PTPRS: variants seen among roughly 807,000 people sequenced by gnomAD.
PTPRS encodes the protein receptor-type tyrosine-protein phosphatase S.
In PTPRS, 63 loss-of-function variants were observed where a neutral mutation model predicts 215.3. The observed-to-expected ratio is 0.29, with a 90% confidence interval of 0.24 to 0.36. The LOEUF (loss-of-function observed/expected upper bound fraction) is 0.36, where lower values mean the gene tolerates loss of function less well. Among genes scored for constraint, PTPRS ranks in the 10% least tolerant of loss-of-function variants. The pLI is 1.00. For synonymous variants in PTPRS, 1,404 were observed against 1,191.4 expected (o/e 1.18, Z -3.68); for missense variants, 2,258 against 2,825.8 (o/e 0.80, Z 4.56).
At chr19:5,336,419 C>T (rs2050504625) in intron 1 of PTPRS, among the ~76,000 whole-genome samples, 1 of 152,074 alleles carries the variant, frequency 6.6e-6, no homozygotes, top group African/African-American at 2.4e-5. Context: ...CTACACTTCA[C>T]TTCCTCTCTC....
chr19:5,300,450 C>A (rs1311505141), intron 1 of PTPRS, among the ~76,000 whole-genome samples: 2 of 151,826 alleles, frequency 1.3e-5, no homozygotes, highest in Non-Finnish European at 2.9e-5. Flanking sequence ...GTCGAGTACA[C>A]AGTATATGCT....
intron 14 of PTPRS, among the ~76,000 whole-genome samples, chr19:5,230,635 T>A (rs1191389938): frequency 6.6e-6 from 1 of 152,150 alleles, no homozygotes; most frequent in Non-Finnish European, 1.5e-5. Flanking sequence ...GTTTTAAAAA[T>A]GTTTTTGGAG....
Position 5,220,040 on chromosome 19 carries a change from G to C in PTPRS, c.3664C>G (p.Pro1222Ala), listed in dbSNP as rs372619078. ...CCGCCATACTGCTTCTGGTCGCCGG[G>C]ATGGAACGTGGGTGGCAGCACAGAG... ...RFSVLPPTFH[P>A]GDQKQYGGFD... Residue 1222 changes from proline (P) to alanine (A), a missense_variant, in exon 22 of 38, where the codon CCC becomes GCC. Physicochemically the swap from Pro to Ala is conservative, Grantham distance 27 (BLOSUM62 -1). This residue lies in a region of PTPRS where 927 missense variants were observed against 1,125.9 expected (regional missense o/e 0.82). Transcript: ENST00000262963. 1.2e-6 allele frequency: 2 copies of C among 1,614,082 alleles called. No individual in the cohort carries two copies. Among genetic ancestry groups the C allele is most frequent in the African/African-American group, 2.7e-5 (2 of 75,066 alleles).
At position 5,222,948 on chromosome 19, in the gene PTPRS, GAGA is replaced by G. The variant is rs2042134521; in HGVS notation, c.2841_2843del (p.Leu948del). 4 of 1,552,206 alleles carry G rather than the reference GAGA, an allele frequency of 2.6e-6. No individual in the cohort carries two copies. The highest frequency in any genetic ancestry group is 2.6e-6 in the Non-Finnish European group (3 of 1,155,604). Reference sequence around the variant, plus strand: ...CGGCGGGCACGGGTGGCAGCCAGCGGAGAAGGACGGTCCCGGCCGAGGCGTTGC... The same window carrying G: ...CGGCGGGCACGGGTGGCAGCCAGCGGAGGACGGTCCCGGCCGAGGCGTTGC... On this transcript the variant is annotated inframe_deletion, in exon 18 of 38. Transcript: ENST00000262963.
chr19:5,292,751 T>C (rs1028304913), intron 1 of PTPRS: 2 of 152,244 alleles, frequency 1.3e-5, no homozygotes, highest in East Asian at 1.9e-4. Context: ...TGCGGTCCTG[T>C]TGCCTCCTCC....
At position 5,263,270 on chromosome 19, in the gene PTPRS, C is replaced by T. The variant is rs562659612; in HGVS notation, c.569-298G>A. On this transcript the variant is annotated intron_variant, in intron 5 of 37. Coordinates refer to ENST00000262963, the MANE Select transcript of PTPRS (RefSeq NM_002850.4). Reference sequence around the variant, plus strand: ...CAGAGGCCTATGAGCTGCAAACATCCTCAGCCAGGCTGGGAGATAGGAGGC... The same window carrying T: ...CAGAGGCCTATGAGCTGCAAACATCTTCAGCCAGGCTGGGAGATAGGAGGC... Among the ~76,000 whole-genome samples the T allele has an allele frequency of 3.9e-5, 6 of 152,234 alleles. No homozygotes were observed. The South Asian group carries it at 6.2e-4, about 16-fold the overall frequency.
At chr19:5,224,245 G>A (rs1396490264) in intron 17 of PTPRS, among the ~76,000 whole-genome samples, 2 of 152,146 alleles carry the variant, frequency 1.3e-5, no homozygotes, top group Non-Finnish European at 2.9e-5. Context: ...GAAAGAGAGG[G>A]AACCACGAGA....
intron 16 of PTPRS, among the ~76,000 whole-genome samples, chr19:5,228,221 T>C (rs896147498): frequency 4.0e-5 from 6 of 151,458 alleles, no homozygotes; most frequent in Non-Finnish European, 8.8e-5. Flanking sequence ...GGCTCATGCC[T>C]GTAATCCCAG....
chr19:5,246,929 G>A (rs1008379690), intron 9 of PTPRS, among the ~76,000 whole-genome samples: 1 of 152,102 alleles, frequency 6.6e-6, no homozygotes, highest in East Asian at 1.9e-4. Context: ...GAGAGACAGA[G>A]AGAGAAAGGA....
chr19:5,273,986 G>C lies in PTPRS; in HGVS notation c.237+213C>G, dbSNP rs149738604. 2.0e-5 allele frequency among the ~76,000 whole-genome samples: 3 copies of C among 152,360 alleles called. No individual in the cohort carries two copies. The East Asian group carries it at 5.8e-4, about 29-fold the overall frequency. On this transcript the variant is annotated intron_variant, in intron 3 of 37. Transcript: ENST00000262963. ...CTGCACTGTGAAGAAGACTCAGAGA[G>C]GGCAGGGCTTTGCTTGAGGCCACAC...
chr19:5,216,714 A>G lies in PTPRS; in HGVS notation c.4096+6T>C. 6.4e-7 allele frequency: 1 copy of G among 1,560,308 alleles called. No individual in the cohort carries two copies. The highest frequency in any genetic ancestry group is 8.7e-7 in the Non-Finnish European group (1 of 1,147,746). On this transcript the variant is annotated splice_donor_region_variant and intron_variant, in intron 26 of 37. Coordinates refer to ENST00000262963, the MANE Select transcript of PTPRS (RefSeq NM_002850.4). Reference sequence around the variant, plus strand: ...AAGGAAGCCAAAAACAGACACAAGAACTAACTTTCAAAGTGAAACCCCGGC... The same window carrying G: ...AAGGAAGCCAAAAACAGACACAAGAGCTAACTTTCAAAGTGAAACCCCGGC...
chr19:5,240,375 AC>A, intron 11 of PTPRS, 43 bp from the exon 12 acceptor site: 1 of 1,531,768 alleles, frequency 6.5e-7, no homozygotes. Flanking sequence ...GGGAGCGTCC[AC>A]CCCACAAAGG....
chr19:5,319,838 G>A (rs963693595), intron 1 of PTPRS, among the ~76,000 whole-genome samples: 2 of 151,798 alleles, frequency 1.3e-5, no homozygotes, highest in Non-Finnish European at 2.9e-5. Context: ...CAATGAAGCC[G>A]TCCCTACAGC....
In PTPRS at chr19:5,303,928, G is replaced by C. The variant is rs970100393; in HGVS notation, c.-94-17694C>G. Among the ~76,000 whole-genome samples the C allele has an allele frequency of 1.0e-3, 52 of 51,516 alleles. 1 individual carries two copies. Among genetic ancestry groups the C allele is most frequent in the African/African-American group, 3.6e-4 (2 of 5,598 alleles). The allele number at this position is 51,516 out of a possible 152,430, so 33.8% of individuals were successfully genotyped here. On this transcript the variant is annotated intron_variant, in intron 1 of 37. Coordinates refer to ENST00000262963, the MANE Select transcript of PTPRS (RefSeq NM_002850.4). Reference sequence around the variant, plus strand: ...ATCACACCACTGCACTCCAGCCTGGGTGACACAGCGAGACTCTGTCTCAAA... The same window carrying C: ...ATCACACCACTGCACTCCAGCCTGGCTGACACAGCGAGACTCTGTCTCAAA...
chr19:5,259,337 G>A (rs1236286974), intron 7 of PTPRS, among the ~76,000 whole-genome samples: 1 of 152,110 alleles, frequency 6.6e-6, no homozygotes, highest in Non-Finnish European at 1.5e-5. Flanking sequence ...ACCTTCTCAA[G>A]AATATCTGAA....
intron 9 of PTPRS, among the ~76,000 whole-genome samples, chr19:5,251,239 C>T (rs968017190): frequency 6.6e-6 from 1 of 152,004 alleles, no homozygotes; most frequent in Non-Finnish European, 1.5e-5. Flanking sequence ...TTTTCTGCTA[C>T]CCTTCTCCAT....
chr19:5,318,644 GGTT>G (rs1227152759), intron 1 of PTPRS, among the ~76,000 whole-genome samples: 2 of 152,086 alleles, frequency 1.3e-5, no homozygotes, highest in Admixed American at 1.3e-4. Context: ...TCTTGGTGGT[GGTT>G]GTTATTATTT....
Position 5,222,848 on chromosome 19 carries a change from C to A in PTPRS, c.2944G>T (p.Glu982Ter). Residue 982 changes from glutamate to a stop codon, truncating the protein, a stop_gained, in exon 18 of 38, where the codon GAG becomes TAG. Coordinates refer to ENST00000262963, the MANE Select transcript of PTPRS (RefSeq NM_002850.4). LOFTEE classifies it high-confidence loss of function. ...AGALGPARETELPAAAEPGAE... is the reference protein window; with the variant it reads ...AGALGPARET ...CCCGGCTCAGCCGCTGCCGGCAGCT[C>A]AGTCTCTCGGGCAGGGCCCAGGGCA... is the stretch of plus-strand genomic sequence containing the variant. 1 of 1,593,190 alleles carries A rather than the reference C, an allele frequency of 6.3e-7. No homozygotes were observed.
chr19:5,215,686 G>A (rs892669469), intron 26 of PTPRS, 91 bp from the exon 27 acceptor site: 16 of 913,812 alleles, frequency 1.8e-5, no homozygotes, highest in Admixed American at 6.9e-5. Context: ...GTGAGTCTGC[G>A]ATGGGTGAGC....
Sources: gnomAD v4.1 joint callset for allele counts (sites outside exome capture counted in the v4.1 genomes callset) on GRCh38, gnomAD v4.1.1 for gene constraint, gnomAD v4.1.1 regional missense constraint, MANE v1.5 for transcripts, NCBI Gene and HGNC (gene_info 2026-07-23, HGNC 2026-07-21) for gene names.